COL14A1: variants seen among roughly 807,000 people sequenced by gnomAD.
COL14A1 encodes collagen alpha-1(XIV) chain.
Under a neutral mutation model 230.3 loss-of-function variants are expected in COL14A1, and 136 were observed. The ratio of observed to expected loss-of-function variants is 0.59; its 90% CI spans 0.51 to 0.68. The LOEUF is 0.68. Ranked by LOEUF, COL14A1 falls within the 30% of genes least tolerant of loss-of-function variation. COL14A1 has a pLI of 0.00. For missense variants in COL14A1, 1,976 were observed against 2,215.8 expected, an observed-to-expected ratio of 0.89 and a Z score of 2.17; for synonymous variants, 792 against 784.1, an observed-to-expected ratio of 1.01 and a Z score of -0.17.
intron 21 of COL14A1, 32 bp downstream of exon 21, chr8:120,247,767 C>T: frequency 1.2e-6 from 2 of 1,602,934 alleles, no homozygotes; most frequent in Non-Finnish European, 1.7e-6. Context: ...ATGTTGATAC[C>T]ATGAGTAGTC....
rs1339204619 is a variant in COL14A1, at chr8:120,145,290, G to C, written c.-37-2516G>C. ...GTGGAAATCAGTGTTATTTTCTGTA[G>C]AGCATTGTGTACCTATATTAGAAAA... On this transcript the variant is annotated intron_variant, in intron 1 of 47. Coordinates refer to ENST00000297848, the MANE Select transcript of COL14A1 (RefSeq NM_021110.4). 3.3e-5 allele frequency among the ~76,000 whole-genome samples: 5 copies of C among 152,256 alleles called. No homozygotes were observed. The East Asian group carries it at 9.7e-4, about 29-fold the overall frequency.
intron 5 of COL14A1, among the ~76,000 whole-genome samples, chr8:120,172,882 G>A (rs1235267188): frequency 6.6e-6 from 1 of 152,124 alleles, no homozygotes; most frequent in Non-Finnish European, 1.5e-5. Flanking sequence ...GACTATTACA[G>A]CTTAATGTCT....
At chr8:120,280,282 G>A (rs879603557) in intron 29 of COL14A1, among the ~76,000 whole-genome samples, 183 bp downstream of exon 29, 1 of 152,118 alleles carries the variant, frequency 6.6e-6, no homozygotes, top group Non-Finnish European at 1.5e-5. Flanking sequence ...CCTCTGTTTA[G>A]AGTTTAGAAT....
At position 120,172,115 on chromosome 8, in the gene COL14A1, CTAT is replaced by C. The variant is rs532840450; in HGVS notation, c.436+3874_436+3876del. 1.5e-3 allele frequency among the ~76,000 whole-genome samples: 230 copies of C among 151,940 alleles called. 8 individuals carry two copies. The highest frequency in any genetic ancestry group is 0.015 in the Admixed American group (226 of 15,236). On this transcript the variant is annotated intron_variant, in intron 5 of 47. Coordinates refer to ENST00000297848, the MANE Select transcript of COL14A1 (RefSeq NM_021110.4). ...ATTTTATATTCTGAATTCAATAATT[CTAT>C]TATTAAAGTATTTTAGGGTTAAATT...
intron 26 of COL14A1, chr8:120,277,342 G>A (rs773030234): frequency 3.3e-5 from 5 of 152,154 alleles, no homozygotes; most frequent in African/African-American, 9.6e-5. Flanking sequence ...TCTGATTTTC[G>A]GACATTTGTC....
rs750644751 is a variant in COL14A1, at chr8:120,203,689, T to C, written c.878-20T>C. The C allele has an allele frequency of 6.2e-7, 1 of 1,611,012 alleles. No individual in the cohort carries two copies. Among genetic ancestry groups the C allele is most frequent in the African/African-American group, 1.3e-5 (1 of 74,856 alleles). On this transcript the variant is annotated intron_variant, in intron 8 of 47. Transcript: ENST00000297848. The stretch of plus-strand genomic sequence containing the variant: ...AGGGGGCATAAAAGTCACCATTCTC[T>C]TTTTTGTCCTCTGTGTAAGGGGTGA...
At chr8:120,332,339 A>T (rs760150497) in intron 41 of COL14A1, 145 bp downstream of exon 41, 37 of 755,936 alleles carry the variant, frequency 4.9e-5, no homozygotes, top group Non-Finnish European at 7.8e-5. Flanking sequence ...ACTCTCCCTA[A>T]AACTTTTTAG....
chr8:120,280,268 C>G (rs957537917), intron 29 of COL14A1, among the ~76,000 whole-genome samples, 169 bp downstream of exon 29: 1 of 152,128 alleles, frequency 6.6e-6, no homozygotes, highest in Non-Finnish European at 1.5e-5. Flanking sequence ...AATAAACCTC[C>G]CCTCCTCTGT....
intron 5 of COL14A1, among the ~76,000 whole-genome samples, chr8:120,172,420 G>T (rs1816123602): frequency 6.6e-6 from 1 of 152,114 alleles, no homozygotes; most frequent in African/African-American, 2.4e-5. Context: ...CAAAGTGCTG[G>T]GATTACAGGC....
At chr8:120,259,240 G>A (rs1819254687) in intron 23 of COL14A1, among the ~76,000 whole-genome samples, 1 of 152,272 alleles carries the variant, frequency 6.6e-6, no homozygotes, top group Admixed American at 6.5e-5. Context: ...TTACCTGGAT[G>A]CTGGATATTC....
intron 40 of COL14A1, 55 bp from the exon 41 acceptor site, chr8:120,332,086 T>C: frequency 6.6e-7 from 1 of 1,511,698 alleles, no homozygotes; most frequent in Non-Finnish European, 9.2e-7. Flanking sequence ...ATGAGCCCAT[T>C]CTGAAAGCCA....
chr8:120,337,223 T>C (rs1822109078), intron 42 of COL14A1, among the ~76,000 whole-genome samples: 1 of 151,820 alleles, frequency 6.6e-6, no homozygotes, highest in Non-Finnish European at 1.5e-5. Context: ...AAACCTGGTC[T>C]CTACTGAAAA....
rs150928910 is a variant in COL14A1, at chr8:120,315,862, C to T, written c.4606-82C>T. ...TTATGCTCTTAGGTTTGTTTGGAGG[C>T]CTTCATCTATTTCAGGGAAGCTGCG... On this transcript the variant is annotated intron_variant, in intron 39 of 47. Transcript: ENST00000297848. 8.7e-5 allele frequency: 122 copies of T among 1,395,938 alleles called. No homozygotes were observed. In the East Asian group the frequency reaches 2.8e-3, roughly 32 times the overall value. The allele number at this position is 1,395,938 out of a possible 1,614,324, so 86.5% of individuals were successfully genotyped here.
At chr8:120,345,338 A>C (rs758515249) in intron 44 of COL14A1, 37 bp from the exon 45 acceptor site, 1 of 1,521,922 alleles carries the variant, frequency 6.6e-7, no homozygotes, top group Non-Finnish European at 8.8e-7. Flanking sequence ...CTTGTGTGAC[A>C]GTTCACTGAA....
intron 38 of COL14A1, 42 bp downstream of exon 38, chr8:120,314,069 T>G (rs1325310778): frequency 1.4e-6 from 2 of 1,380,282 alleles, no homozygotes; most frequent in East Asian, 4.8e-5. Flanking sequence ...TATTGTTATC[T>G]CTTTTCCATG....
chr8:120,167,170 T>G lies in COL14A1; in HGVS notation c.350-991T>G, dbSNP rs547735698. On this transcript the variant is annotated intron_variant, in intron 4 of 47. Transcript: ENST00000297848. ...ATTGGAGTGACATGACCTTGGCAAA[T>G]GACAGATCTCAAACCATTTCAGCAA... is the stretch of plus-strand genomic sequence containing the variant. Among the ~76,000 whole-genome samples, 3 of 152,024 alleles carry G rather than the reference T, an allele frequency of 2.0e-5. No homozygotes were observed. In the South Asian group the frequency reaches 6.2e-4, roughly 32 times the overall value.
At chr8:120,180,497 C>A (rs1816425737) in intron 5 of COL14A1, among the ~76,000 whole-genome samples, 1 of 152,156 alleles carries the variant, frequency 6.6e-6, no homozygotes, top group Non-Finnish European at 1.5e-5. Flanking sequence ...TGTACTGGCT[C>A]ATGTAACTGA....
At chr8:120,291,032 A>G (rs1820359725) in intron 34 of COL14A1, among the ~76,000 whole-genome samples, 1 of 152,182 alleles carries the variant, frequency 6.6e-6, no homozygotes. Context: ...GTTCTCAGTT[A>G]CAGTAAGAGA....
intron 1 of COL14A1, among the ~76,000 whole-genome samples, chr8:120,140,858 T>C (rs1239512046): frequency 6.6e-6 from 1 of 152,214 alleles, no homozygotes; most frequent in African/African-American, 2.4e-5. Context: ...TTAGCACTAA[T>C]GGGCCTAGTT....
Sources: allele counts gnomAD v4.1 joint callset (sites outside exome capture counted in the v4.1 genomes callset), GRCh38; gene constraint gnomAD v4.1.1; transcripts MANE v1.5; gene names NCBI Gene and HGNC (gene_info 2026-07-23, HGNC 2026-07-21).